Variants in SLC39A10 observed in about 807,000 individuals in gnomAD.
SLC39A10 encodes the protein solute carrier family 39 member 10, also known as zinc transporter ZIP10.
In SLC39A10, 13 loss-of-function variants were observed where a neutral mutation model predicts 65.1. That is an observed-to-expected ratio of 0.20 (90% CI 0.13 to 0.32). SLC39A10 has a LOEUF of 0.32. Ranked by LOEUF, SLC39A10 falls within the 10% of genes least tolerant of loss-of-function variation. The pLI, the probability that SLC39A10 is intolerant of heterozygous loss-of-function variation, is 1.00. For missense variants in SLC39A10, 831 were observed against 1,018.4 expected (o/e 0.82, Z 2.50); for synonymous variants, 321 against 342.2 (o/e 0.94, Z 0.68).
At chr2:195,623,134 G>A (rs945337708) in intron 2 of SLC39A10, among the ~76,000 whole-genome samples, 8 of 152,086 alleles carry the variant, frequency 5.3e-5, no homozygotes, top group African/African-American at 9.7e-5. Context: ...ATGATTGAAA[G>A]GGGTATGAGG....
chr2:195,653,567 T>G (rs1689084996), upstream of SLC39A10, among the ~76,000 whole-genome samples: 1 of 152,150 alleles, frequency 6.6e-6, no homozygotes, highest in African/African-American at 2.4e-5. Flanking sequence ...AGTGCTGGGA[T>G]TACAAGCGTG....
At chr2:195,695,431 C>T (rs184290180) in intron 3 of SLC39A10, among the ~76,000 whole-genome samples, 117 of 152,326 alleles carry the variant, frequency 7.7e-4, no homozygotes, top group Admixed American at 2.9e-3. Context: ...ACCTGCAGTC[C>T]TGAAGGTGGG....
At chr2:195,654,553 G>A (rs4850634), upstream of SLC39A10, among the ~76,000 whole-genome samples, 150,264 of 152,336 alleles carry the variant, frequency 0.99, 74,145 homozygotes, top group Middle Eastern at 1. Context: ...AAGCTAAACA[G>A]TGAAAGGTAA....
chr2:195,630,431 G>A (rs906897851), intron 2 of SLC39A10, among the ~76,000 whole-genome samples: 2 of 152,110 alleles, frequency 1.3e-5, no homozygotes, highest in African/African-American at 4.8e-5. Context: ...TCCGCTATTC[G>A]GAAGCTCTGT....
At chr2:195,719,497 T>C (rs1009393782) in intron 8 of SLC39A10, among the ~76,000 whole-genome samples, 3 of 152,310 alleles carry the variant, frequency 2.0e-5, no homozygotes, top group Middle Eastern at 6.8e-3. Flanking sequence ...CTCTGAGATA[T>C]ACACTCAGAA....
At chr2:195,615,526 C>G (rs1688187527) in intron 2 of SLC39A10, among the ~76,000 whole-genome samples, 2 of 152,164 alleles carry the variant, frequency 1.3e-5, no homozygotes, top group African/African-American at 4.8e-5. Context: ...TCCCACCTCC[C>G]TGGATTCTGA....
Position 195,737,121 on chromosome 2 carries a change from T to C in SLC39A10, c.*2080T>C, listed in dbSNP as rs971925663. 6.6e-6 allele frequency: 1 copy of C among 152,622 alleles called. No individual in the cohort carries two copies. The highest frequency in any genetic ancestry group is 1.5e-5 in the Non-Finnish European group (1 of 68,030). 9.5% of individuals were successfully genotyped at this position (152,622 alleles called of 1,614,324 possible). On this transcript the variant is annotated 3_prime_UTR_variant, in exon 10 of 10. Coordinates refer to ENST00000359634, the MANE Select transcript of SLC39A10 (RefSeq NM_020342.3). ...CTCTCAAAAATGGTATTATCTTTCT[T>C]TATTTGCTAGATTCTTACAAATCTT...
chr2:195,719,321 T>G (rs555712420), intron 8 of SLC39A10, among the ~76,000 whole-genome samples: 1 of 152,182 alleles, frequency 6.6e-6, no homozygotes, highest in Non-Finnish European at 1.5e-5. Flanking sequence ...TCCATCCCGA[T>G]TACGATGAGT....
At chr2:195,678,629 C>T (rs562312052) in intron 1 of SLC39A10, among the ~76,000 whole-genome samples, 10 of 139,412 alleles carry the variant, frequency 7.2e-5, no homozygotes, top group Non-Finnish European at 1.5e-4. Flanking sequence ...AATATATTAT[C>T]AATTTTGTGT....
intron 9 of SLC39A10, among the ~76,000 whole-genome samples, chr2:195,730,761 G>T (rs1692409757): frequency 1.3e-5 from 2 of 152,174 alleles, no homozygotes; most frequent in Admixed American, 1.3e-4. Flanking sequence ...CACTTGACAT[G>T]TTCAGAACAG....
chr2:195,613,250 C>T (rs1245018814), intron 2 of SLC39A10, among the ~76,000 whole-genome samples: 1 of 152,100 alleles, frequency 6.6e-6, no homozygotes, highest in East Asian at 1.9e-4. Flanking sequence ...TTTCTTCCTC[C>T]TTGATGATAG....
At chr2:195,682,052 G>A (rs182433383) in intron 2 of SLC39A10, among the ~76,000 whole-genome samples, 1 of 152,048 alleles carries the variant, frequency 6.6e-6, no homozygotes, top group Non-Finnish European at 1.5e-5. Context: ...GGGATGTCCT[G>A]TTTTCCTTTA....
chr2:195,621,133 G>A (rs1221435505), intron 2 of SLC39A10, among the ~76,000 whole-genome samples: 3 of 151,974 alleles, frequency 2.0e-5, no homozygotes, highest in African/African-American at 7.3e-5. Context: ...ATTTCCTTTC[G>A]ACTATCTGCT....
intron 3 of SLC39A10, among the ~76,000 whole-genome samples, chr2:195,692,603 A>G (rs1231342704): frequency 4.6e-5 from 7 of 152,050 alleles, no homozygotes; most frequent in Non-Finnish European, 1.0e-4. Context: ...ATTTGTAGCT[A>G]TTGTAAAGGG....
rs1251381404 is a variant in SLC39A10 at position 195,737,571 on chromosome 2, T to TTAAC, written c.*2532_*2535dup. 2 of 177,378 alleles carry TTAAC rather than the reference T, an allele frequency of 1.1e-5. No homozygotes were observed. Among genetic ancestry groups the TTAAC allele is most frequent in the Non-Finnish European group, 2.4e-5 (2 of 83,648 alleles). 11.0% of individuals were successfully genotyped at this position (177,378 alleles called of 1,614,324 possible). A position where few individuals can be genotyped will look rare whatever the true frequency, so the allele number is the denominator to read the frequency against. On this transcript the variant is annotated 3_prime_UTR_variant, in exon 10 of 10. Transcript: ENST00000359634. ...TGTTTTGTTTTAACTGAATCATTTT[T>TTAAC]TAACTTAAAAAGCTGGAAAATATCA...
At chr2:195,621,715 G>A (rs1229749043) in intron 2 of SLC39A10, among the ~76,000 whole-genome samples, 3 of 152,172 alleles carry the variant, frequency 2.0e-5, no homozygotes, top group African/African-American at 7.2e-5. Context: ...TCAGAGATTT[G>A]CAAACTAACC....
intron 2 of SLC39A10, among the ~76,000 whole-genome samples, chr2:195,629,418 C>T (rs1688539532): frequency 1.3e-5 from 2 of 151,102 alleles, no homozygotes; most frequent in South Asian, 2.1e-4. Flanking sequence ...AAAGAGTTAT[C>T]CTTGACCTTC....
Position 195,728,405 on chromosome 2 carries a change from G to A in SLC39A10, c.2337+56G>A. On this transcript the variant is annotated intron_variant, in intron 9 of 9. Transcript: ENST00000359634. This position sits in a 1 kb window ranked among gnomAD's most constrained non-coding sequence, Gnocchi z 4.4. ...AAACCTGCAAATGAAAGAAATCCTT[G>A]GAAGTGGTTTGAAGCCAAACTATTT... The A allele has an allele frequency of 1.3e-6, 2 of 1,504,302 alleles. No individual in the cohort carries two copies. Among genetic ancestry groups the A allele is most frequent in the Non-Finnish European group, 9.0e-7 (1 of 1,109,528 alleles). 93.2% of individuals were successfully genotyped at this position (1,504,302 alleles called of 1,614,324 possible).
rs200574867 is a variant in SLC39A10 at position 195,682,923 on chromosome 2, G to GT, written c.1009-768dup. ...AGGTTTTGATTTTAGTTTTTGATGG[G>GT]TTTTTTTTGGTGCCATAGATAAAGC... On this transcript the variant is annotated intron_variant, in intron 2 of 9. Coordinates refer to ENST00000359634, the MANE Select transcript of SLC39A10 (RefSeq NM_020342.3). Among the ~76,000 whole-genome samples the GT allele has an allele frequency of 1.1e-4, 16 of 151,440 alleles. 1 individual carries two copies. Among genetic ancestry groups the GT allele is most frequent in the African/African-American group, 3.4e-4 (14 of 41,360 alleles).
Sources: gnomAD v4.1 joint callset for allele counts (sites outside exome capture counted in the v4.1 genomes callset) on GRCh38, gnomAD v4.1.1 for gene constraint, Gnocchi (gnomAD v3.1) non-coding constraint, MANE v1.5 for transcripts, NCBI Gene and HGNC (gene_info 2026-07-23, HGNC 2026-07-21) for gene names.